The following SLC24A3 variants were observed in gnomAD, a reference collection of about 807,000 sequenced individuals.
SLC24A3 encodes the protein solute carrier family 24 member 3, also known as sodium/potassium/calcium exchanger 3.
In SLC24A3, 28 loss-of-function variants were observed where a neutral mutation model predicts 75.8. The ratio of observed to expected loss-of-function variants is 0.37; its 90% CI spans 0.27 to 0.51. The LOEUF (loss-of-function observed/expected upper bound fraction) is 0.51. Ranked by LOEUF, SLC24A3 falls within the 20% of genes least tolerant of loss-of-function variation. The pLI, the probability that SLC24A3 is intolerant of heterozygous loss-of-function variation, is 0.94. For synonymous variants in SLC24A3, 372 were observed against 334.1 expected (o/e 1.11, Z -1.24); for missense variants, 663 against 847.8 (o/e 0.78, Z 2.71).
In SLC24A3 at chr20:19,633,830, T is replaced by A. The variant is rs150900311; in HGVS notation, c.613-20232T>A. ...TGGGGGAAAGGCACAATTCCCCCCATAACAAGCACCCTTCTTAAGGAGTTG... is the reference window on the plus strand; with the variant it reads ...TGGGGGAAAGGCACAATTCCCCCCAAAACAAGCACCCTTCTTAAGGAGTTG... On this transcript the variant is annotated intron_variant, in intron 6 of 16. Coordinates refer to ENST00000328041, the MANE Select transcript of SLC24A3 (RefSeq NM_020689.4). 1.1e-3 allele frequency among the ~76,000 whole-genome samples: 164 copies of A among 152,160 alleles called. 1 individual carries two copies. Among genetic ancestry groups the A allele is most frequent in the African/African-American group, 3.7e-3 (154 of 41,522 alleles).
chr20:19,606,829 C>A (rs1442903380), intron 6 of SLC24A3, among the ~76,000 whole-genome samples: 3 of 152,152 alleles, frequency 2.0e-5, no homozygotes, highest in Admixed American at 1.3e-4. Context: ...CTGTGCAAGT[C>A]CACACAGTGA....
chr20:19,442,946 C>A (rs73128654), intron 2 of SLC24A3, among the ~76,000 whole-genome samples: 188 of 152,266 alleles, frequency 1.2e-3, no homozygotes, highest in Middle Eastern at 6.8e-3. Context: ...TTATTAAATA[C>A]TGTCTTTTCT....
intron 9 of SLC24A3, among the ~76,000 whole-genome samples, chr20:19,675,868 C>T (rs767079790): frequency 1.3e-5 from 2 of 152,104 alleles, no homozygotes; most frequent in Non-Finnish European, 2.9e-5. Context: ...AAATCAGTGC[C>T]AAAGTGGGGA....
chr20:19,710,497 A>T (rs573452854), intron 15 of SLC24A3, among the ~76,000 whole-genome samples: 7 of 152,374 alleles, frequency 4.6e-5, no homozygotes, highest in African/African-American at 1.7e-4. Context: ...CATGCTTCTT[A>T]AGGCAAGAAA....
At chr20:19,284,804 G>A (rs1226292448) in intron 2 of SLC24A3, among the ~76,000 whole-genome samples, 2 of 152,018 alleles carry the variant, frequency 1.3e-5, no homozygotes, top group Non-Finnish European at 2.9e-5. Flanking sequence ...TCCCTGTTGG[G>A]GCATGATTCT....
In SLC24A3 at chr20:19,377,892, AT is replaced by A. The variant is rs1033137902; in HGVS notation, c.271+96810del. On this transcript the variant is annotated intron_variant, in intron 2 of 16. Coordinates refer to ENST00000328041, the MANE Select transcript of SLC24A3 (RefSeq NM_020689.4). ...CTTTGGGCCAAATCTGCTCAATCACATTTTTGTAAGTAAAGTTGTATTGGGA... is the reference window on the plus strand; with the variant it reads ...CTTTGGGCCAAATCTGCTCAATCACATTTTGTAAGTAAAGTTGTATTGGGA... 5.4e-3 allele frequency among the ~76,000 whole-genome samples: 815 copies of A among 152,302 alleles called. 3 individuals are homozygous for A. The highest frequency in any genetic ancestry group is 0.019 in the African/African-American group (784 of 41,556).
chr20:19,335,333 C>G (rs994868817), intron 2 of SLC24A3, among the ~76,000 whole-genome samples: 2 of 152,216 alleles, frequency 1.3e-5, no homozygotes, highest in Non-Finnish European at 2.9e-5. Context: ...TCCAGCTTCT[C>G]TTAGCCCACA....
intron 3 of SLC24A3, among the ~76,000 whole-genome samples, chr20:19,564,156 A>G (rs1045931608): frequency 2.0e-5 from 3 of 152,220 alleles, no homozygotes; most frequent in African/African-American, 4.8e-5. Flanking sequence ...GAACTCCCAC[A>G]GGGTATGGCA....
chr20:19,345,946 C>T (rs959602525), intron 2 of SLC24A3, among the ~76,000 whole-genome samples: 1 of 150,848 alleles, frequency 6.6e-6, no homozygotes, highest in African/African-American at 2.4e-5. Context: ...GGTATCTACC[C>T]AGAGGAAGTC....
At chr20:19,450,407 G>A (rs943578426) in intron 2 of SLC24A3, among the ~76,000 whole-genome samples, 1 of 152,162 alleles carries the variant, frequency 6.6e-6, no homozygotes, top group East Asian at 1.9e-4. Flanking sequence ...ATGAGACACT[G>A]TGATATTTAC....
At chr20:19,682,082 A>G (rs1042555800) in intron 10 of SLC24A3, 91 bp downstream of exon 10, 1 of 1,390,222 alleles carries the variant, frequency 7.2e-7, no homozygotes, top group East Asian at 2.3e-5. Flanking sequence ...GCAAATCCCC[A>G]TCTTTACTAA....
chr20:19,498,009 C>T (rs1988322330), intron 2 of SLC24A3, among the ~76,000 whole-genome samples: 1 of 152,116 alleles, frequency 6.6e-6, no homozygotes, highest in Non-Finnish European at 1.5e-5. Flanking sequence ...ACGTTAATAC[C>T]TGAGCTCCAC....
chr20:19,487,146 C>A (rs1988138325), intron 2 of SLC24A3, among the ~76,000 whole-genome samples: 1 of 152,212 alleles, frequency 6.6e-6, no homozygotes, highest in African/African-American at 2.4e-5. Context: ...ACCCTTATGA[C>A]TCTTCTTTAG....
chr20:19,511,146 T>G (rs2122553222), intron 2 of SLC24A3, among the ~76,000 whole-genome samples: 1 of 151,956 alleles, frequency 6.6e-6, no homozygotes, highest in Non-Finnish European at 1.5e-5. Context: ...CCCCTTCCCC[T>G]CCCTGCCTCA....
intron 2 of SLC24A3, among the ~76,000 whole-genome samples, chr20:19,386,041 C>T (rs1316786915): frequency 2.6e-5 from 4 of 152,172 alleles, no homozygotes; most frequent in Non-Finnish European, 5.9e-5. Context: ...TTCATTCTTC[C>T]AATGCATGAA....
At chr20:19,423,884 G>A (rs1000524951) in intron 2 of SLC24A3, among the ~76,000 whole-genome samples, 3 of 152,172 alleles carry the variant, frequency 2.0e-5, no homozygotes, top group Non-Finnish European at 2.9e-5. Flanking sequence ...TGCATGATAC[G>A]ATGGAGGTAG....
intron 2 of SLC24A3, among the ~76,000 whole-genome samples, chr20:19,384,289 C>T (rs1188531029): frequency 6.6e-6 from 1 of 152,152 alleles, no homozygotes; most frequent in Non-Finnish European, 1.5e-5. Context: ...CTTATTCATC[C>T]TGCGTAACTG....
In SLC24A3 at chr20:19,678,670, G is replaced by T. The variant is rs542703014; in HGVS notation, c.768-3188G>T. On this transcript the variant is annotated intron_variant, in intron 9 of 16. Transcript: ENST00000328041. The stretch of plus-strand genomic sequence containing the variant: ...ACCCTCCACCTCCCTCCCGGACACG[G>T]CGGCTGCCGGGCGGAGACGCTCCTC... Among the ~76,000 whole-genome samples, 158 of 148,714 alleles carry T rather than the reference G, an allele frequency of 1.1e-3. 2 individuals are homozygous for T. In the Middle Eastern group the frequency reaches 0.014, roughly 13 times the overall value.
rs60449666 is a variant in SLC24A3, at chr20:19,236,316, G to C, written c.142+23332G>C. ...GGGGTGTTGATAGTGAGTGATATGGGTTAATTCCACAAGACAGCTCAGGGG... is the reference window on the plus strand; with the variant it reads ...GGGGTGTTGATAGTGAGTGATATGGCTTAATTCCACAAGACAGCTCAGGGG... On this transcript the variant is annotated intron_variant, in intron 1 of 16. Transcript: ENST00000328041. 9.3e-3 allele frequency among the ~76,000 whole-genome samples: 1,412 copies of C among 152,262 alleles called. 20 individuals carry two copies. The highest frequency in any genetic ancestry group is 0.032 in the African/African-American group (1,327 of 41,534).
Sources: allele counts gnomAD v4.1 joint callset (sites outside exome capture counted in the v4.1 genomes callset), GRCh38; gene constraint gnomAD v4.1.1; transcripts MANE v1.5; gene names NCBI Gene and HGNC (gene_info 2026-07-23, HGNC 2026-07-21).